Variants in PBRM1 observed in about 807,000 individuals in gnomAD.
PBRM1 encodes the protein protein polybromo-1.
In PBRM1, 27 loss-of-function variants were observed where a neutral mutation model predicts 194.5. The ratio of observed to expected loss-of-function variants is 0.14; its 90% CI spans 0.10 to 0.19. PBRM1 has a LOEUF of 0.19. Ranked by LOEUF, PBRM1 falls within the 10% of genes least tolerant of loss-of-function variation. The pLI is 1.00. For missense variants in PBRM1, 1,466 were observed against 2,077.2 expected (o/e 0.71, Z 5.72); for synonymous variants, 655 against 693.2 (o/e 0.94, Z 0.87).
intron 13 of PBRM1, among the ~76,000 whole-genome samples, chr3:52,620,470 C>A (rs905478991): frequency 1.3e-5 from 2 of 152,156 alleles, no homozygotes; most frequent in Non-Finnish European, 2.9e-5. Context: ...AGGTGCTCAC[C>A]CCATTCCCAT....
In PBRM1 at chr3:52,642,112, A is replaced by G. The variant is rs565602361; in HGVS notation, c.996-67T>C. 2.3e-3 allele frequency: 1,911 copies of G among 829,996 alleles called. 10 individuals are homozygous for G. Among genetic ancestry groups the G allele is most frequent in the African/African-American group, 5.8e-3 (343 of 58,802 alleles). The allele number at this position is 829,996 out of a possible 1,614,324, so 51.4% of individuals were successfully genotyped here. On this transcript the variant is annotated intron_variant, in intron 9 of 29. Coordinates refer to ENST00000296302, the Ensembl canonical transcript of PBRM1. ...TAATAATTAGGTTACTTTACAGGGAACAGGAACTATTAACAAAGTGTTAAG... is the reference window on the plus strand; with the variant it reads ...TAATAATTAGGTTACTTTACAGGGAGCAGGAACTATTAACAAAGTGTTAAG...
chr3:52,683,103 T>C (rs893570457), upstream of PBRM1, among the ~76,000 whole-genome samples: 4 of 151,820 alleles, frequency 2.6e-5, no homozygotes, highest in Admixed American at 6.6e-5. Context: ...CTTGGGAGAC[T>C]GAGGCAGGAG....
intron 15 of PBRM1, 45 bp downstream of exon 17, chr3:52,615,306 T>C (rs1192345243): frequency 9.7e-7 from 1 of 1,034,560 alleles, no homozygotes; most frequent in Non-Finnish European, 1.5e-6. Flanking sequence ...CAGCAATCTC[T>C]TCTTGATAGA....
At chr3:52,581,136 C>T in intron 20 of PBRM1, among the ~76,000 whole-genome samples, 1 of 152,228 alleles carries the variant, frequency 6.6e-6, no homozygotes. Flanking sequence ...ATTCCTCCTT[C>T]ACAATGTCCA....
At chr3:52,572,442 A>C (rs920492473) in intron 22 of PBRM1, among the ~76,000 whole-genome samples, 36 of 152,134 alleles carry the variant, frequency 2.4e-4, no homozygotes, top group African/African-American at 8.7e-4. Context: ...GAGTGATCTC[A>C]GCGCACTGCA....
intron 7 of PBRM1, among the ~76,000 whole-genome samples, chr3:52,646,335 C>G (rs1396409228): frequency 6.6e-6 from 1 of 152,100 alleles, no homozygotes; most frequent in Non-Finnish European, 1.5e-5. Flanking sequence ...CAATGATACA[C>G]GATTAATTCA....
intron 12 of PBRM1, among the ~76,000 whole-genome samples, chr3:52,628,539 C>T (rs1173618053): frequency 1.3e-5 from 2 of 151,476 alleles, no homozygotes; most frequent in Non-Finnish European, 2.9e-5. Flanking sequence ...GGTGCAATCT[C>T]GGCTCACTGC....
intron 14 of PBRM1, among the ~76,000 whole-genome samples, chr3:52,615,888 G>A (rs1436348087): frequency 6.6e-6 from 1 of 152,174 alleles, no homozygotes; most frequent in Non-Finnish European, 1.5e-5. Context: ...CCAAATCTGA[G>A]TTCACAGTCT....
intron 21 of PBRM1, among the ~76,000 whole-genome samples, chr3:52,577,430 CAAAAAAAAAA>C (rs71084193): frequency 3.0e-5 from 2 of 65,714 alleles, no homozygotes; most frequent in South Asian, 6.3e-4. Flanking sequence ...GACAATGTCT[CAAAAAAAAAA>C]AAAAAAAAAA....
At chr3:52,643,248 C>T (rs748174546) in exon 9 of PBRM1, 16 of 1,603,156 alleles carry the variant, frequency 1.0e-5, no homozygotes, top group East Asian at 2.2e-5. Context: ...TTTTTCTCAC[C>T]GGTAATACTT....
At chr3:52,679,767 C>G, upstream of PBRM1, 1 of 1,538,700 alleles carries the variant, frequency 6.5e-7, no homozygotes. Context: ...TTTAAATAGA[C>G]TCTGTCACCA....
At position 52,612,258 on chromosome 3, in the gene PBRM1, C is replaced by CAAAAAAAAAAAAAAAAAAAA. The variant is rs566481465; in HGVS notation, c.1925-2323_1925-2304dup. On this transcript the variant is annotated intron_variant, in intron 15 of 29. Transcript: ENST00000296302. ...TAGGCAACAGAGCGAGATTCCGTCT[C>CAAAAAAAAAAAAAAAAAAAA]AAAAAAAAAAAAAAAAAAAAAAAAG... Among the ~76,000 whole-genome samples the CAAAAAAAAAAAAAAAAAAAA allele has an allele frequency of 2.5e-3, 60 of 24,000 alleles. 6 individuals are homozygous for CAAAAAAAAAAAAAAAAAAAA. Among genetic ancestry groups the CAAAAAAAAAAAAAAAAAAAA allele is most frequent in the East Asian group, 0.01 (7 of 696 alleles). 15.7% of individuals were successfully genotyped at this position (24,000 alleles called of 152,430 possible).
At chr3:52,629,789 T>C (rs916893066) in intron 11 of PBRM1, among the ~76,000 whole-genome samples, 5 of 152,232 alleles carry the variant, frequency 3.3e-5, no homozygotes, top group African/African-American at 1.2e-4. Flanking sequence ...AATCTTTTGA[T>C]TGTAGCATTT....
rs11370862 is a variant in PBRM1 at position 52,679,290 on chromosome 3, T to TC, written c.138+283dup. Among the ~76,000 whole-genome samples, 69,263 of 152,094 alleles carry TC rather than the reference T, an allele frequency of 0.46. 16,130 individuals carry two copies. Among genetic ancestry groups the TC allele is most frequent in the African/African-American group, 0.52 (21,667 of 41,488 alleles). ...GTTCCATGTGAAAAATGGGCTTGTTTCCACATGGCTATATCCCAACCATGA... is the reference window on the plus strand; with the variant it reads ...GTTCCATGTGAAAAATGGGCTTGTTTCCCACATGGCTATATCCCAACCATGA... On this transcript the variant is annotated intron_variant, in intron 1 of 29. Coordinates refer to ENST00000296302, the Ensembl canonical transcript of PBRM1.
rs908813291 is a variant in PBRM1 at position 52,645,715 on chromosome 3, G to A, written c.814-926C>T. On this transcript the variant is annotated intron_variant, in intron 7 of 29. Coordinates refer to ENST00000296302, the Ensembl canonical transcript of PBRM1. ...GGCTACACAGTGACTAACGGCAGGT[G>A]GTGTATATAGTGTGGATAGACTGAA... is the stretch of plus-strand genomic sequence containing the variant. Among the ~76,000 whole-genome samples, 3 of 152,036 alleles carry A rather than the reference G, an allele frequency of 2.0e-5. No individual in the cohort carries two copies. The East Asian group carries it at 5.8e-4, about 29-fold the overall frequency.
chr3:52,600,788 G>A (rs2093935994), intron 17 of PBRM1, among the ~76,000 whole-genome samples: 1 of 152,118 alleles, frequency 6.6e-6, no homozygotes. Context: ...ACAGGCACGC[G>A]CCACCACGCC....
chr3:52,643,441 T>C (rs554998000), intron 8 of PBRM1, 98 bp from the exon 10 acceptor site: 4 of 780,934 alleles, frequency 5.1e-6, no homozygotes, highest in South Asian at 1.4e-5. Flanking sequence ...CTCTTCTAAA[T>C]AGAAATGCTA....
At position 52,608,643 on chromosome 3, in the gene PBRM1, T is replaced by A. The variant is rs189845223; in HGVS notation, c.2567+670A>T. Among the ~76,000 whole-genome samples, 62 of 143,606 alleles carry A rather than the reference T, an allele frequency of 4.3e-4. No individual in the cohort carries two copies. The South Asian group carries it at 5.4e-3, about 13-fold the overall frequency. The allele number at this position is 143,606 out of a possible 152,430, so 94.2% of individuals were successfully genotyped here. A position where few individuals can be genotyped will look rare whatever the true frequency, so the allele number is the denominator to read the frequency against. ...GGTAAGGTTTGTATCTTTTTTTTTT[T>A]TATATTTTTCCAACTGTCTCTAAGT... On this transcript the variant is annotated intron_variant, in intron 16 of 29. Coordinates refer to ENST00000296302, the Ensembl canonical transcript of PBRM1.
rs1287304463 is a variant in PBRM1 at position 52,599,955 on chromosome 3, A to G, written c.2779+3566T>C. Among the ~76,000 whole-genome samples, 23 of 152,292 alleles carry G rather than the reference A, an allele frequency of 1.5e-4. 1 individual carries two copies. The highest frequency in any genetic ancestry group is 6.2e-4 in the South Asian group (3 of 4,828). ...ATTTTAAAATTGTGATAAAAAATCT[A>G]TAACAAAATCTGCCTTTTAAACCAA... On this transcript the variant is annotated intron_variant, in intron 17 of 29. Transcript: ENST00000296302.
Sources: gnomAD v4.1 joint callset for allele counts (sites outside exome capture counted in the v4.1 genomes callset) on GRCh38, gnomAD v4.1.1 for gene constraint, MANE v1.5 for transcripts, NCBI Gene and HGNC (gene_info 2026-07-23, HGNC 2026-07-21) for gene names.